The following GHR variants were observed in gnomAD, a reference collection of about 807,000 sequenced individuals.
GHR encodes the protein growth hormone receptor.
In GHR, 35 loss-of-function variants were observed where a neutral mutation model predicts 67.1. That is an observed-to-expected ratio of 0.52 (90% CI 0.40 to 0.69). The LOEUF is 0.69. Ranked by LOEUF, GHR falls within the 30% of genes least tolerant of loss-of-function variation. GHR has a pLI of 0.00. For synonymous variants in GHR, 272 were observed against 269.1 expected, an observed-to-expected ratio of 1.01 and a Z score of -0.10; for missense variants, 792 against 764.6, an observed-to-expected ratio of 1.04 and a Z score of -0.42.
chr5:42,710,333 G>T (rs187344712), intron 6 of GHR, among the ~76,000 whole-genome samples: 6 of 151,928 alleles, frequency 3.9e-5, no homozygotes, highest in Admixed American at 3.9e-4. Flanking sequence ...GAAAACGCGA[G>T]TGTTTAAAGT....
intron 1 of GHR, among the ~76,000 whole-genome samples, chr5:42,538,482 T>C (rs936744242): frequency 6.6e-6 from 1 of 152,180 alleles, no homozygotes; most frequent in African/African-American, 2.4e-5. Flanking sequence ...TTGTTTTGTT[T>C]GAGGAGGCTG....
intron 1 of GHR, among the ~76,000 whole-genome samples, chr5:42,485,138 A>T (rs1328731486): frequency 6.6e-6 from 1 of 152,104 alleles, no homozygotes; most frequent in Non-Finnish European, 1.5e-5. Context: ...TGAAAAATCG[A>T]TCTGAGAGCT....
chr5:42,583,897 A>ATATATATATATATATAT (rs759855239), intron 2 of GHR, among the ~76,000 whole-genome samples: 2 of 149,450 alleles, frequency 1.3e-5, no homozygotes, highest in East Asian at 2.0e-4. Flanking sequence ...ATATATATAT[A>ATATATATATATATATAT]AATTCTTACA....
At chr5:42,522,844 C>T (rs1747535584) in intron 1 of GHR, among the ~76,000 whole-genome samples, 3 of 152,162 alleles carry the variant, frequency 2.0e-5, no homozygotes, top group Admixed American at 2.0e-4. Flanking sequence ...GTCTATGCTT[C>T]TGTTCAACAA....
rs771156514 is a variant in GHR at position 42,699,988 on chromosome 5, A to G, written c.604A>G (p.Thr202Ala). The change falls in exon 6 of 10, where the codon ACT becomes GCT. Residue 202 changes from threonine to alanine, a missense_variant. Physicochemically the swap from Thr to Ala is moderately conservative, Grantham distance 58. Coordinates refer to ENST00000230882, the MANE Select transcript of GHR (RefSeq NM_000163.5). Reference sequence around the variant, plus strand: ...ACTTCAATACAAAGAAGTAAATGAAACTAAATGGAAAATGGTAAGATGTTG... The same window carrying G: ...ACTTCAATACAAAGAAGTAAATGAAGCTAAATGGAAAATGGTAAGATGTTG... ...YELQYKEVNETKWKMMDPILT... is the reference protein window; with the variant it reads ...YELQYKEVNEAKWKMMDPILT... 4 of 1,595,578 alleles carry G rather than the reference A, an allele frequency of 2.5e-6. No homozygotes were observed. The South Asian group carries it at 3.3e-5, about 13-fold the overall frequency.
chr5:42,715,354 A>AT (rs1579669011), intron 8 of GHR, among the ~76,000 whole-genome samples: 1 of 152,154 alleles, frequency 6.6e-6, no homozygotes, highest in East Asian at 1.9e-4. Context: ...AAAGAACGAG[A>AT]TTTTTCCTAG....
At chr5:42,562,577 G>GT (rs1749670193) in intron 1 of GHR, among the ~76,000 whole-genome samples, 1 of 141,716 alleles carries the variant, frequency 7.1e-6, no homozygotes, top group East Asian at 2.1e-4. Flanking sequence ...ATTCTTGTTT[G>GT]TTTTTTGTTT....
intron 2 of GHR, among the ~76,000 whole-genome samples, chr5:42,572,096 A>T (rs1750356131): frequency 6.6e-6 from 1 of 152,134 alleles, no homozygotes; most frequent in African/African-American, 2.4e-5. Context: ...GCCATTGATG[A>T]TTTTCTCCTC....
At chr5:42,481,687 C>A (rs1365300877) in intron 1 of GHR, among the ~76,000 whole-genome samples, 1 of 152,236 alleles carries the variant, frequency 6.6e-6, no homozygotes, top group Non-Finnish European at 1.5e-5. Flanking sequence ...GCTACTGAGG[C>A]TTCTGCATTT....
intron 3 of GHR, among the ~76,000 whole-genome samples, chr5:42,671,881 G>A (rs1373683412): frequency 1.1e-4 from 17 of 150,730 alleles, no homozygotes; most frequent in Non-Finnish European, 1.9e-4. Flanking sequence ...GCGTGAACCC[G>A]GGAGGCGGAG....
At chr5:42,620,057 T>C (rs1463976815) in intron 2 of GHR, among the ~76,000 whole-genome samples, 1 of 151,996 alleles carries the variant, frequency 6.6e-6, no homozygotes, top group Non-Finnish European at 1.5e-5. Flanking sequence ...GTGGAAGAAA[T>C]TAATCTTATT....
intron 3 of GHR, among the ~76,000 whole-genome samples, chr5:42,631,108 T>A (rs1000674191): frequency 2.0e-5 from 3 of 152,016 alleles, no homozygotes; most frequent in Non-Finnish European, 1.5e-5. Context: ...CCCAAGGCCG[T>A]CAGATTCAGT....
At chr5:42,701,964 G>C (rs186369283) in intron 6 of GHR, among the ~76,000 whole-genome samples, 165 of 151,750 alleles carry the variant, frequency 1.1e-3, no homozygotes, top group African/African-American at 3.9e-3. Flanking sequence ...TATATTTATT[G>C]TGTACAACAT....
At chr5:42,564,698 A>G (rs1039178206) in intron 1 of GHR, among the ~76,000 whole-genome samples, 2 of 152,200 alleles carry the variant, frequency 1.3e-5, no homozygotes, top group Non-Finnish European at 2.9e-5. Context: ...CCACATCTGT[A>G]GGCCCATGGA....
At chr5:42,679,695 C>T (rs1339543189) in intron 3 of GHR, among the ~76,000 whole-genome samples, 1 of 151,728 alleles carries the variant, frequency 6.6e-6, no homozygotes, top group African/African-American at 2.4e-5. Context: ...CACTTAATAA[C>T]CAAGTGACTT....
chr5:42,649,683 G>A (rs1412217714), intron 3 of GHR, among the ~76,000 whole-genome samples: 1 of 152,128 alleles, frequency 6.6e-6, no homozygotes, highest in African/African-American at 2.4e-5. Context: ...CTCTGGATAA[G>A]CAGCATCCTT....
At chr5:42,538,620 T>C (rs1419905294) in intron 1 of GHR, among the ~76,000 whole-genome samples, 1 of 152,200 alleles carries the variant, frequency 6.6e-6, no homozygotes, top group Non-Finnish European at 1.5e-5. Flanking sequence ...CTTTCTTTTG[T>C]CTTAACTTTA....
chr5:42,536,501 C>T (rs1173667481), intron 1 of GHR, among the ~76,000 whole-genome samples: 3 of 151,924 alleles, frequency 2.0e-5, no homozygotes. Context: ...TCTCTGTGCC[C>T]CTGGTATGAA....
intron 2 of GHR, among the ~76,000 whole-genome samples, chr5:42,585,976 T>G (rs1296654923): frequency 6.6e-6 from 1 of 152,210 alleles, no homozygotes; most frequent in Non-Finnish European, 1.5e-5. Context: ...GTGCCTCAGT[T>G]TCTTCATATG....
Sources: allele counts gnomAD v4.1 joint callset (sites outside exome capture counted in the v4.1 genomes callset), GRCh38; gene constraint gnomAD v4.1.1; transcripts MANE v1.5; gene names NCBI Gene and HGNC (gene_info 2026-07-23, HGNC 2026-07-21).